SUPT7L: variants seen among roughly 807,000 people sequenced by gnomAD.
The protein encoded by SUPT7L is STAGA complex 65 subunit gamma.
In SUPT7L, 15 loss-of-function variants were observed where a neutral mutation model predicts 35.7. That is an observed-to-expected ratio of 0.42 (90% CI 0.28 to 0.65). The LOEUF is 0.65. SUPT7L is among the 30% of genes least tolerant of loss of function. The probability of loss-of-function intolerance (pLI) is 0.23; values close to 1 mark genes in which losing one functional copy is unlikely to be tolerated. For missense variants in SUPT7L, 434 were observed against 522.2 expected (o/e 0.83, Z 1.65); for synonymous variants, 168 against 186.2 (o/e 0.90, Z 0.79).
chr2:27,643,099 C>G, the SUPT7L span, among the ~76,000 whole-genome samples: 2 of 150,588 alleles, frequency 1.3e-5, no homozygotes, highest in Admixed American at 6.6e-5. This position sits in a 1 kb window ranked among gnomAD's most constrained non-coding sequence, Gnocchi z 4.0. Context: ...GAAGTTTTTG[C>G]TTTACTTTGG....
the SUPT7L span, among the ~76,000 whole-genome samples, chr2:27,643,053 T>G: frequency 6.6e-6 from 1 of 151,456 alleles, no homozygotes; most frequent in East Asian, 1.9e-4. This position sits in a 1 kb window ranked among gnomAD's most constrained non-coding sequence, Gnocchi z 4.0. Flanking sequence ...AATTTGAAAT[T>G]ATATACAGCT....
At chr2:27,659,292 A>G (rs111947618) in intron 3 of SUPT7L, among the ~76,000 whole-genome samples, 11 of 152,288 alleles carry the variant, frequency 7.2e-5, no homozygotes, top group African/African-American at 2.6e-4. Context: ...TATTTAGTCT[A>G]TTTCTGTACT....
downstream of SUPT7L, among the ~76,000 whole-genome samples, chr2:27,649,174 G>A (rs1197393187): frequency 6.6e-6 from 1 of 151,728 alleles, no homozygotes; most frequent in East Asian, 2.0e-4. Context: ...GAACCTGGGA[G>A]GCGGAGGCTG....
At chr2:27,642,955 A>ACACAC in the SUPT7L span, among the ~76,000 whole-genome samples, 1 of 65,688 alleles carries the variant, frequency 1.5e-5, no homozygotes, top group Admixed American at 2.4e-4. Context: ...ATATATATAT[A>ACACAC]TATACACACA....
chr2:27,644,854 C>T, the SUPT7L span, among the ~76,000 whole-genome samples: 25 of 150,380 alleles, frequency 1.7e-4, no homozygotes, highest in East Asian at 4.2e-3. Flanking sequence ...CTTGTAACAG[C>T]GATTTGAGAT....
chr2:27,658,527 C>A (rs969549402), intron 3 of SUPT7L, among the ~76,000 whole-genome samples: 3 of 152,196 alleles, frequency 2.0e-5, no homozygotes, highest in Admixed American at 6.5e-5. Context: ...AAATTTCCTA[C>A]TGGCTTCTGC....
intron 5 of SUPT7L, 41 bp from the exon 6 acceptor site, chr2:27,653,788 G>C: frequency 1.2e-6 from 2 of 1,608,964 alleles, no homozygotes; most frequent in Non-Finnish European, 8.5e-7. Flanking sequence ...AAGTGTATAT[G>C]TGTAGCCAAG....
chr2:27,660,645 C>T (rs148589747), intron 3 of SUPT7L, among the ~76,000 whole-genome samples: 11 of 152,270 alleles, frequency 7.2e-5, no homozygotes, highest in Admixed American at 3.3e-4. Flanking sequence ...TTGAAGACAA[C>T]GAGCTAAACC....
At chr2:27,644,730 T>TTTG in the SUPT7L span, among the ~76,000 whole-genome samples, 1 of 148,308 alleles carries the variant, frequency 6.7e-6, no homozygotes, top group African/African-American at 2.5e-5. Flanking sequence ...AGTGTTTTTT[T>TTTG]TTTTTTTTTT....
At chr2:27,648,159 T>C (rs936553720), downstream of SUPT7L, among the ~76,000 whole-genome samples, 8 of 152,218 alleles carry the variant, frequency 5.3e-5, no homozygotes, top group African/African-American at 9.6e-5. Context: ...TGTCTTCTTA[T>C]CTTTAGGTCC....
rs2148121600 is a variant in SUPT7L, at chr2:27,660,884, T to C, written c.419+100A>G. 2.1e-6 allele frequency: 3 copies of C among 1,424,020 alleles called. No individual in the cohort carries two copies. The East Asian group carries it at 7.5e-5, about 36-fold the overall frequency. 88.2% of individuals were successfully genotyped at this position (1,424,020 alleles called of 1,614,324 possible). On this transcript the variant is annotated intron_variant, in intron 3 of 5. Transcript: ENST00000337768. Reference sequence around the variant, plus strand: ...TTGGCCAAGTCAATTACTCTTATCCTCAGTTTCCTCGCATGAAAATGGAAA... The same window carrying C: ...TTGGCCAAGTCAATTACTCTTATCCCCAGTTTCCTCGCATGAAAATGGAAA...
chr2:27,661,110 T>C lies in SUPT7L; in HGVS notation c.293A>G (p.Glu98Gly). The C allele has an allele frequency of 6.2e-7, 1 of 1,614,192 alleles. No individual in the cohort carries two copies. The highest frequency in any genetic ancestry group is 1.3e-5 in the African/African-American group (1 of 75,030). ...QQQTEGVKTE[E>G]SEPLPSCPGS... Reference sequence around the variant, plus strand: ...AGGGCACGAGGGAAGAGGTTCACTCTCTTCAGTTTTTACACCTTCTGTCTG... The same window carrying C: ...AGGGCACGAGGGAAGAGGTTCACTCCCTTCAGTTTTTACACCTTCTGTCTG... Residue 98 changes from glutamate to glycine, a missense_variant, in exon 3 of 6, where the codon GAG (glutamate) becomes GGG (glycine). Glu to Gly is a moderately conservative substitution (Grantham distance 98, BLOSUM62 -2). Transcript: ENST00000337768.
chr2:27,660,261 C>T (rs943138760), intron 3 of SUPT7L, among the ~76,000 whole-genome samples: 3 of 151,422 alleles, frequency 2.0e-5, no homozygotes, highest in African/African-American at 7.3e-5. Flanking sequence ...GACAGGGTCT[C>T]ACTCAGTCAC....
At chr2:27,658,746 C>T (rs1674913751) in intron 3 of SUPT7L, among the ~76,000 whole-genome samples, 1 of 152,134 alleles carries the variant, frequency 6.6e-6, no homozygotes, top group Non-Finnish European at 1.5e-5. Flanking sequence ...TGCCAAGTAA[C>T]TTTTCATTTA....
At chr2:27,650,217 T>C (rs1302433708), downstream of SUPT7L, 2 of 1,443,292 alleles carry the variant, frequency 1.4e-6, no homozygotes, top group Non-Finnish European at 1.9e-6. Context: ...TTAGCACACT[T>C]CACTTGTTTC....
intron 2 of SUPT7L, chr2:27,661,727 G>GTT: frequency 3.8e-6 from 3 of 790,866 alleles, no homozygotes; most frequent in Non-Finnish European, 5.1e-6. Context: ...AACAGCATCT[G>GTT]GAGCTCTAGT....
At position 27,653,348 on chromosome 2, in the gene SUPT7L, A is replaced by G. The variant is rs1674644345; in HGVS notation, c.*137T>C. The G allele has an allele frequency of 3.1e-6, 4 of 1,276,302 alleles. No individual in the cohort carries two copies. Among genetic ancestry groups the G allele is most frequent in the Admixed American group, 2.4e-5 (1 of 41,298 alleles). The allele number at this position is 1,276,302 out of a possible 1,614,324, so 79.1% of individuals were successfully genotyped here. A position where few individuals can be genotyped will look rare whatever the true frequency, so the allele number is the denominator to read the frequency against. On this transcript the variant is annotated 3_prime_UTR_variant, in exon 6 of 6. Coordinates refer to ENST00000337768, the MANE Select transcript of SUPT7L (RefSeq NM_014860.3). ...AATGCAACCTTGTTTGGTGACGTCC[A>G]GTTCCTCTGGAATTAGGAAAAACCA...
Position 27,657,429 on chromosome 2 carries a change from GA to G in SUPT7L, c.659del (p.Phe220SerfsTer54), listed in dbSNP as rs1396672645. 5 of 1,614,106 alleles carry G rather than the reference GA, an allele frequency of 3.1e-6. No individual in the cohort carries two copies. Among genetic ancestry groups the G allele is most frequent in the Non-Finnish European group, 4.2e-6 (5 of 1,180,054 alleles). ...TPFPDVMEQV[F>X]HEVGIGSVLS... ...GCACACTGCCAATACCCACTTCATG[GA>G]ATACCTGCTCCATCACATCAGGAAA... On this transcript the variant is annotated frameshift_variant, in exon 4 of 6. Coordinates refer to ENST00000337768, the MANE Select transcript of SUPT7L (RefSeq NM_014860.3). LOFTEE classifies it high-confidence loss of function. The surrounding 1 kb of genome is among the most constrained non-coding windows in gnomAD (Gnocchi z 5.2).
intron 1 of SUPT7L, 81 bp from the exon 2 acceptor site, chr2:27,662,362 G>T: frequency 1.5e-6 from 1 of 682,444 alleles, no homozygotes; most frequent in South Asian, 1.9e-5. Flanking sequence ...TATGGACCTG[G>T]GGTACTGGAA....
Sources: allele counts gnomAD v4.1 joint callset (sites outside exome capture counted in the v4.1 genomes callset), GRCh38; gene constraint gnomAD v4.1.1; non-coding constraint Gnocchi (gnomAD v3.1); transcripts MANE v1.5; gene names NCBI Gene and HGNC (gene_info 2026-07-23, HGNC 2026-07-21).